Variants in HACE1 observed in about 807,000 individuals in gnomAD.
HACE1 encodes HECT domain and ankyrin repeat containing E3 ubiquitin protein ligase 1.
HACE1 carries 73 observed loss-of-function variants against 118.4 expected under a neutral mutation model. That is an observed-to-expected ratio of 0.62 (90% confidence interval 0.51 to 0.75). The LOEUF (loss-of-function observed/expected upper bound fraction) is 0.75, where lower values mean the gene tolerates loss of function less well. HACE1 is among the 30% of genes least tolerant of loss of function. HACE1 has a pLI of 0.00. For missense variants in HACE1, 749 were observed against 1,102.2 expected (o/e 0.68, Z 4.54); for synonymous variants, 368 against 374.8 (o/e 0.98, Z 0.21).
At chr6:104,827,111 G>A (rs1281242352) in intron 6 of HACE1, among the ~76,000 whole-genome samples, 3 of 151,830 alleles carry the variant, frequency 2.0e-5, no homozygotes, top group South Asian at 2.1e-4. Context: ...AATTGAAGGC[G>A]GTGACTAACC....
intron 11 of HACE1, among the ~76,000 whole-genome samples, chr6:104,789,594 A>C (rs1042739708): frequency 2.0e-5 from 3 of 152,104 alleles, no homozygotes; most frequent in African/African-American, 7.2e-5. Flanking sequence ...CTAACATTTA[A>C]ATCAATATTT....
rs898754766 is a variant in HACE1, at chr6:104,728,456, C to T, written c.*1206G>A. 6.6e-6 allele frequency: 1 copy of T among 152,108 alleles called. No homozygotes were observed. Among genetic ancestry groups the T allele is most frequent in the Non-Finnish European group, 1.5e-5 (1 of 67,996 alleles). The allele number at this position is 152,108 out of a possible 1,614,324, so 9.4% of individuals were successfully genotyped here. On this transcript the variant is annotated 3_prime_UTR_variant, in exon 24 of 24. Transcript: ENST00000262903. Reference sequence around the variant, plus strand: ...AGACAAGAGAATAAGAGAATCAAAACCAACGAATTAAAGGAGCTTTATAAT... The same window carrying T: ...AGACAAGAGAATAAGAGAATCAAAATCAACGAATTAAAGGAGCTTTATAAT...
intron 6 of HACE1, among the ~76,000 whole-genome samples, chr6:104,832,587 G>A (rs949983582): frequency 2.0e-5 from 3 of 152,030 alleles, no homozygotes; most frequent in African/African-American, 4.8e-5. Flanking sequence ...AGTAGAGATG[G>A]GGTTTCGCCA....
At chr6:104,732,378 AAT>A (rs1304785184) in intron 22 of HACE1, 1 of 152,188 alleles carries the variant, frequency 6.6e-6, no homozygotes, top group Non-Finnish European at 1.5e-5. Flanking sequence ...AAAGGAAGCA[AAT>A]TTTGATATGT....
At chr6:104,768,110 T>C (rs1046517263) in intron 19 of HACE1, among the ~76,000 whole-genome samples, 3 of 152,210 alleles carry the variant, frequency 2.0e-5, no homozygotes, top group African/African-American at 7.2e-5. Flanking sequence ...TTTAACATAT[T>C]GCTTTTTAAA....
chr6:104,732,247 A>C (rs1775290071), intron 22 of HACE1: 1 of 152,160 alleles, frequency 6.6e-6, no homozygotes, highest in African/African-American at 2.4e-5. Context: ...GCACGGACTC[A>C]AAGAAGTATC....
At chr6:104,791,354 G>T in intron 11 of HACE1, 150 bp downstream of exon 11, 1 of 693,458 alleles carries the variant, frequency 1.4e-6, no homozygotes, top group Non-Finnish European at 2.6e-6. Context: ...ACAGAGTTGA[G>T]AGGAGAAAGG....
chr6:104,785,494 T>C lies in HACE1; in HGVS notation c.1075-175A>G, dbSNP rs944985344. 31 of 576,904 alleles carry C rather than the reference T, an allele frequency of 5.4e-5. 1 individual carries two copies. Among genetic ancestry groups the C allele is most frequent in the South Asian group, 4.4e-5 (2 of 45,458 alleles). 35.7% of individuals were successfully genotyped at this position (576,904 alleles called of 1,614,324 possible). ...AAGGTAAGTAATAAAATTATACAAATGCTACATAAATGACAATTTCTTCAT... is the reference window on the plus strand; with the variant it reads ...AAGGTAAGTAATAAAATTATACAAACGCTACATAAATGACAATTTCTTCAT... On this transcript the variant is annotated intron_variant, in intron 11 of 23. Transcript: ENST00000262903.
At chr6:104,754,380 T>C (rs1036407542) in intron 19 of HACE1, among the ~76,000 whole-genome samples, 1 of 152,052 alleles carries the variant, frequency 6.6e-6, no homozygotes, top group Non-Finnish European at 1.5e-5. Flanking sequence ...CAGGCCAACA[T>C]TCAAATTCAG....
intron 4 of HACE1, among the ~76,000 whole-genome samples, chr6:104,844,816 C>T (rs989340974): frequency 1.1e-4 from 17 of 152,104 alleles, no homozygotes; most frequent in Admixed American, 1.0e-3. Context: ...GCGCCCGCCA[C>T]CATGCCCAGC....
intron 19 of HACE1, among the ~76,000 whole-genome samples, chr6:104,768,565 A>C (rs1204686753): frequency 6.6e-6 from 1 of 152,152 alleles, no homozygotes; most frequent in Non-Finnish European, 1.5e-5. Context: ...AAACCTCAAC[A>C]ATTTGATACA....
intron 6 of HACE1, among the ~76,000 whole-genome samples, chr6:104,828,104 C>T (rs1582671811): frequency 6.6e-6 from 1 of 151,994 alleles, no homozygotes; most frequent in Non-Finnish European, 1.5e-5. Flanking sequence ...CAATTCAACA[C>T]ATTTATAAAT....
chr6:104,796,222 C>T (rs1156379183), intron 9 of HACE1, among the ~76,000 whole-genome samples: 2 of 152,114 alleles, frequency 1.3e-5, no homozygotes, highest in East Asian at 3.8e-4. Flanking sequence ...TCCCTCCTCC[C>T]AGCTCAGCCT....
intron 7 of HACE1, among the ~76,000 whole-genome samples, chr6:104,800,339 C>G (rs901249541): frequency 6.6e-6 from 1 of 152,190 alleles, no homozygotes; most frequent in African/African-American, 2.4e-5. Flanking sequence ...ATGTCACTGT[C>G]TGACAGCTCA....
At chr6:104,775,215 C>G (rs1443525887) in intron 17 of HACE1, among the ~76,000 whole-genome samples, 2 of 151,980 alleles carry the variant, frequency 1.3e-5, no homozygotes, top group Non-Finnish European at 1.5e-5. Context: ...CAAAAACTAG[C>G]CAGGCGCCAT....
At chr6:104,751,824 A>T (rs1328206693) in intron 19 of HACE1, among the ~76,000 whole-genome samples, 1 of 151,866 alleles carries the variant, frequency 6.6e-6, no homozygotes, top group Non-Finnish European at 1.5e-5. Flanking sequence ...TAGCAGGTAT[A>T]TAGCTCCTAC....
chr6:104,795,884 C>A (rs1187255454), intron 9 of HACE1, among the ~76,000 whole-genome samples, 199 bp from the exon 10 acceptor site: 2 of 152,050 alleles, frequency 1.3e-5, no homozygotes, highest in Non-Finnish European at 2.9e-5. Flanking sequence ...CACCCAGTTA[C>A]AAAACAATAG....
At chr6:104,759,929 A>C (rs923898655) in intron 19 of HACE1, among the ~76,000 whole-genome samples, 20 of 152,222 alleles carry the variant, frequency 1.3e-4, no homozygotes, top group African/African-American at 4.8e-4. Context: ...ATCTCTATGC[A>C]AATAAACTAG....
chr6:104,804,531 G>C (rs546710615), intron 7 of HACE1, among the ~76,000 whole-genome samples: 80 of 152,238 alleles, frequency 5.3e-4, no homozygotes, highest in Non-Finnish European at 1.0e-3. Flanking sequence ...CAATGGAACA[G>C]AATAGAGCCC....
Sources: allele counts gnomAD v4.1 joint callset (sites outside exome capture counted in the v4.1 genomes callset), GRCh38; gene constraint gnomAD v4.1.1; transcripts MANE v1.5; gene names NCBI Gene and HGNC (gene_info 2026-07-23, HGNC 2026-07-21).